Variants in CALN1 observed in about 807,000 individuals in gnomAD.
CALN1 encodes calneuron 1.
A neutral mutation model predicts 30.6 loss-of-function variants in CALN1; 17 were observed. That is an observed-to-expected ratio of 0.56 (90% CI 0.38 to 0.83). CALN1 has a LOEUF of 0.83. CALN1 is among the 40% of genes least tolerant of loss of function. The pLI is 0.00. For synonymous variants in CALN1, 156 were observed against 131.4 expected, an observed-to-expected ratio of 1.19 and a Z score of -1.28; for missense variants, 291 against 354.9, an observed-to-expected ratio of 0.82 and a Z score of 1.45.
rs184769964 is a variant in CALN1, at chr7:71,845,388, G to A, written c.502-34896C>T. 3.3e-4 allele frequency among the ~76,000 whole-genome samples: 51 copies of A among 152,296 alleles called. 1 individual carries two copies. Among genetic ancestry groups the A allele is most frequent in the Admixed American group, 2.8e-3 (43 of 15,296 alleles). ...AGGGTTTCCTTCATGCCTGTGTTTC[G>A]TTTAGGTGTGGTCTGTGTGTTTCAA... is the stretch of plus-strand genomic sequence containing the variant. On this transcript the variant is annotated intron_variant, in intron 5 of 6. Coordinates refer to ENST00000395275, the MANE Select transcript of CALN1 (RefSeq NM_031468.4).
the CALN1 span, among the ~76,000 whole-genome samples, chr7:72,482,952 A>G: frequency 6.6e-6 from 1 of 152,032 alleles, no homozygotes; most frequent in Admixed American, 6.6e-5. Context: ...TTTCACTTCC[A>G]TTTTTGAAAG....
At chr7:71,963,944 T>C (rs1797397770) in intron 5 of CALN1, among the ~76,000 whole-genome samples, 1 of 152,172 alleles carries the variant, frequency 6.6e-6, no homozygotes, top group Admixed American at 6.5e-5. Context: ...CATATTCTTA[T>C]CCCCTCTGAT....
chr7:72,247,854 C>T (rs1056788920), intron 3 of CALN1, among the ~76,000 whole-genome samples: 4 of 152,200 alleles, frequency 2.6e-5, no homozygotes, highest in East Asian at 3.9e-4. Flanking sequence ...ATTAGCCAGG[C>T]ATGGTAGGTA....
intron 5 of CALN1, among the ~76,000 whole-genome samples, chr7:71,925,525 A>G (rs979225552): frequency 2.7e-5 from 4 of 149,712 alleles, no homozygotes; most frequent in African/African-American, 9.8e-5. Context: ...TTTGGTCTGG[A>G]AAGTCATTAT....
chr7:71,886,387 C>T (rs73362163), intron 5 of CALN1, among the ~76,000 whole-genome samples: 2,196 of 152,332 alleles, frequency 0.014, 49 homozygotes, highest in African/African-American at 0.048. Context: ...TGCCACGCCC[C>T]CTTAGCATGT....
intron 3 of CALN1, among the ~76,000 whole-genome samples, chr7:72,212,262 T>C (rs894670188): frequency 6.6e-6 from 1 of 150,658 alleles, no homozygotes; most frequent in East Asian, 2.0e-4. Context: ...GGCAGGGGAA[T>C]TGCCTGAACC....
chr7:72,109,646 C>T (rs1031816768), intron 3 of CALN1, among the ~76,000 whole-genome samples: 2 of 152,208 alleles, frequency 1.3e-5, no homozygotes, highest in East Asian at 1.9e-4. Flanking sequence ...CTGGAAGGAG[C>T]GTGGAGCCAC....
chr7:72,145,104 C>T (rs1322672354), intron 3 of CALN1, among the ~76,000 whole-genome samples: 1 of 151,996 alleles, frequency 6.6e-6, no homozygotes, highest in East Asian at 1.9e-4. Context: ...TAGCAGAAGG[C>T]AAGAAATAAC....
At chr7:71,962,471 G>A (rs115033943) in intron 5 of CALN1, among the ~76,000 whole-genome samples, 1,831 of 152,220 alleles carry the variant, frequency 0.012, 32 homozygotes, top group African/African-American at 0.041. Context: ...TCCATGCTGC[G>A]AACTGCTGGC....
intron 3 of CALN1, among the ~76,000 whole-genome samples, chr7:72,124,105 C>T (rs1808575751): frequency 6.6e-6 from 1 of 152,140 alleles, no homozygotes; most frequent in African/African-American, 2.4e-5. Context: ...ACACACACAC[C>T]AATCATTCCG....
intron 3 of CALN1, among the ~76,000 whole-genome samples, chr7:72,276,335 T>G (rs918865156): frequency 8.5e-5 from 13 of 152,198 alleles, no homozygotes; most frequent in Admixed American, 6.5e-4. Flanking sequence ...AGCCTGGGCC[T>G]CACTTCACCT....
intron 3 of CALN1, among the ~76,000 whole-genome samples, chr7:72,122,602 C>T (rs982328957): frequency 1.3e-4 from 19 of 151,982 alleles, no homozygotes; most frequent in Non-Finnish European, 8.8e-5. Flanking sequence ...GGCACATGCC[C>T]GAAGTCCAAG....
At chr7:71,797,907 C>G (rs1264628888) in intron 6 of CALN1, among the ~76,000 whole-genome samples, 2 of 152,022 alleles carry the variant, frequency 1.3e-5, no homozygotes, top group Non-Finnish European at 2.9e-5. Context: ...CTGAGTTAAT[C>G]AGGTTTGATT....
chr7:72,309,928 C>T (rs756287480), intron 2 of CALN1, among the ~76,000 whole-genome samples: 9 of 152,158 alleles, frequency 5.9e-5, no homozygotes, highest in African/African-American at 9.7e-5. Context: ...GGACAAACTC[C>T]GATGCCCTCC....
At chr7:72,404,563 A>G (rs1806573359) in intron 1 of CALN1, among the ~76,000 whole-genome samples, 1 of 152,184 alleles carries the variant, frequency 6.6e-6, no homozygotes, top group African/African-American at 2.4e-5. Flanking sequence ...ACGTCTACAC[A>G]TTGCAGCAGG....
chr7:72,024,112 C>G (rs1800894411), intron 4 of CALN1, among the ~76,000 whole-genome samples: 1 of 152,164 alleles, frequency 6.6e-6, no homozygotes, highest in Non-Finnish European at 1.5e-5. Context: ...GCAGCTTCAC[C>G]CCATCTCTTC....
chr7:72,363,227 T>G (rs1803669724), intron 2 of CALN1, among the ~76,000 whole-genome samples: 2 of 146,758 alleles, frequency 1.4e-5, no homozygotes, highest in African/African-American at 4.8e-5. Context: ...TCTGTGAGAT[T>G]ATGACACATT....
intron 1 of CALN1, among the ~76,000 whole-genome samples, chr7:72,404,405 G>A (rs891940266): frequency 5.9e-5 from 9 of 152,256 alleles, no homozygotes; most frequent in South Asian, 4.1e-4. Context: ...TTTCATTGAA[G>A]GTAAAAACAA....
At chr7:72,197,353 C>T (rs1179669554) in intron 3 of CALN1, among the ~76,000 whole-genome samples, 1 of 151,948 alleles carries the variant, frequency 6.6e-6, no homozygotes, top group African/African-American at 2.4e-5. Flanking sequence ...AGGCGCACAC[C>T]ACCACGCATG....
Sources: gnomAD v4.1 joint callset for allele counts (sites outside exome capture counted in the v4.1 genomes callset) on GRCh38, gnomAD v4.1.1 for gene constraint, MANE v1.5 for transcripts, NCBI Gene and HGNC (gene_info 2026-07-23, HGNC 2026-07-21) for gene names.